The following KIF13A variants were observed in gnomAD, a reference collection of about 807,000 sequenced individuals.
KIF13A encodes kinesin-like protein KIF13A.
KIF13A carries 79 observed loss-of-function variants against 212.2 expected under a neutral mutation model. The observed-to-expected ratio is 0.37, with a 90% CI of 0.31 to 0.45. The LOEUF is 0.45. Ranked by LOEUF, KIF13A falls within the 20% of genes least tolerant of loss-of-function variation. The probability of loss-of-function intolerance (pLI) is 1.00; values close to 1 mark genes in which losing one functional copy is unlikely to be tolerated. For synonymous variants in KIF13A, 789 were observed against 808.6 expected (o/e 0.98, Z 0.41); for missense variants, 1,901 against 2,209.0 (o/e 0.86, Z 2.79).
intron 32 of KIF13A, among the ~76,000 whole-genome samples, chr6:17,779,320 G>A (rs1420329171): frequency 1.4e-5 from 2 of 140,626 alleles, no homozygotes; most frequent in African/African-American, 5.2e-5. Flanking sequence ...TGCCCAGGCT[G>A]GAGTGCAATG....
At chr6:17,846,973 C>T (rs1767127677) in intron 9 of KIF13A, among the ~76,000 whole-genome samples, 1 of 152,230 alleles carries the variant, frequency 6.6e-6, no homozygotes, top group Non-Finnish European at 1.5e-5. Context: ...TAAACTTGCT[C>T]TGTCTTGGTT....
intron 14 of KIF13A, among the ~76,000 whole-genome samples, chr6:17,827,711 G>A (rs1411459216): frequency 1.3e-5 from 2 of 151,644 alleles, no homozygotes; most frequent in East Asian, 2.0e-4. Flanking sequence ...CTGTAGCAAC[G>A]GTGTCTCACT....
chr6:17,808,873 A>G lies in KIF13A; in HGVS notation c.2058T>C (p.Asn686=), dbSNP rs140371190. The G allele has an allele frequency of 8.3e-4, 1,345 of 1,613,684 alleles. 7 individuals are homozygous for G. The East Asian group carries it at 0.011, about 13-fold the overall frequency. ...GGAAGTTTGCTTCCCTCACCAAGGTATTAGCTTTAACCAGCTGCTCTCGCA... is the reference window on the plus strand; with the variant it reads ...GGAAGTTTGCTTCCCTCACCAAGGTGTTAGCTTTAACCAGCTGCTCTCGCA... ...AKLREQLVKA[N]TLVREANFLA... Residue 686 remains asparagine (N), a synonymous_variant, in exon 18 of 39, where the codon AAT becomes AAC. Transcript: ENST00000259711.
Position 17,897,224 on chromosome 6 carries a change from A to G in KIF13A, c.159+944T>C, listed in dbSNP as rs1455086617. ...AGAGCTAAGATGGATTGTTCTTCAT[A>G]ACCCCAGGGGAAAGTAAGCTTTGTC... On this transcript the variant is annotated intron_variant, in intron 3 of 38. Transcript: ENST00000259711. This position sits in a 1 kb window ranked among gnomAD's most constrained non-coding sequence, Gnocchi z 4.8. Among the ~76,000 whole-genome samples, 3 of 152,174 alleles carry G rather than the reference A, an allele frequency of 2.0e-5. No individual in the cohort carries two copies. Among genetic ancestry groups the G allele is most frequent in the Non-Finnish European group, 2.9e-5 (2 of 68,036 alleles).
At chr6:17,780,070 T>C (rs1262259591) in intron 31 of KIF13A, among the ~76,000 whole-genome samples, 1 of 152,248 alleles carries the variant, frequency 6.6e-6, no homozygotes, top group Non-Finnish European at 1.5e-5. Flanking sequence ...TTACAAATTG[T>C]AGAAGCATTA....
chr6:17,801,927 C>T (rs1052591740), intron 20 of KIF13A, among the ~76,000 whole-genome samples: 3 of 152,116 alleles, frequency 2.0e-5, no homozygotes, highest in Admixed American at 6.5e-5. Context: ...CCAGTTTAAC[C>T]GTGTTTTTCT....
intron 2 of KIF13A, among the ~76,000 whole-genome samples, chr6:17,942,887 G>A (rs1186469693): frequency 6.6e-6 from 1 of 152,118 alleles, no homozygotes; most frequent in Non-Finnish European, 1.5e-5. Context: ...GCTGAGGAAG[G>A]AGAACTGCTT....
intron 38 of KIF13A, among the ~76,000 whole-genome samples, chr6:17,766,375 G>A (rs1484710233): frequency 6.6e-6 from 1 of 151,788 alleles, no homozygotes; most frequent in Non-Finnish European, 1.5e-5. Flanking sequence ...GAGTAGCTGG[G>A]ATTACAGGCA....
intron 2 of KIF13A, among the ~76,000 whole-genome samples, chr6:17,976,213 G>C (rs1780445434): frequency 6.6e-6 from 1 of 152,236 alleles, no homozygotes; most frequent in Non-Finnish European, 1.5e-5. Flanking sequence ...GGTGGTCGAT[G>C]GGACTGGGCG....
chr6:17,948,607 GGCTGGACTGCAGCA>G (rs933484356), intron 2 of KIF13A, among the ~76,000 whole-genome samples: 1 of 122,648 alleles, frequency 8.2e-6, no homozygotes, highest in Non-Finnish European at 1.6e-5. Flanking sequence ...CTGTCGTCCA[GGCTGGACTGCAGCA>G]GCGTGATCTC....
chr6:17,869,193 C>T (rs1769772505), intron 4 of KIF13A, among the ~76,000 whole-genome samples: 1 of 151,900 alleles, frequency 6.6e-6, no homozygotes, highest in Non-Finnish European at 1.5e-5. Context: ...GAGATCATTC[C>T]AGGCTGTATC....
chr6:17,863,295 G>C (rs1411242323), intron 4 of KIF13A, among the ~76,000 whole-genome samples: 1 of 151,922 alleles, frequency 6.6e-6, no homozygotes, highest in East Asian at 1.9e-4. Context: ...GCATGGACAT[G>C]ATGAGATGAA....
intron 38 of KIF13A, among the ~76,000 whole-genome samples, chr6:17,766,865 C>T (rs965179988): frequency 6.6e-6 from 1 of 151,950 alleles, no homozygotes; most frequent in African/African-American, 2.4e-5. Context: ...TTCTATATAC[C>T]TCAAAAAAAG....
rs1202329105 is a variant in KIF13A, at chr6:17,888,386, G to C, written c.159+9782C>G. On this transcript the variant is annotated intron_variant, in intron 3 of 38. Transcript: ENST00000259711. This position sits in a 1 kb window ranked among gnomAD's most constrained non-coding sequence, Gnocchi z 4.8. ...AGATCAAGGTAGGTCTGCTGCATTT[G>C]ACTGGGTAATGAAACAAGCAAAAGC... Among the ~76,000 whole-genome samples, 1 of 152,152 alleles carries C rather than the reference G, an allele frequency of 6.6e-6. No homozygotes were observed. Among genetic ancestry groups the C allele is most frequent in the Non-Finnish European group, 1.5e-5 (1 of 68,016 alleles).
Position 17,779,677 on chromosome 6 carries a change from G to A in KIF13A, c.3854C>T (p.Thr1285Met), listed in dbSNP as rs751899598. The part of the protein sequence containing the change: ...AANIYNKQSF[T>M]QSLKRRISLK... ...GGATATTCTCCTCTTCAAACTCTGC[G>A]TGAAACTCTAGTAGAAAAAAAAAAA... is the stretch of plus-strand genomic sequence containing the variant. The change falls in exon 32 of 39, where the codon ACG becomes ATG. Residue 1285 changes from threonine (T) to methionine (M), a missense_variant. By Grantham distance (81) the Thr-to-Met change is moderately conservative (BLOSUM62 -1). Transcript: ENST00000259711. 4 of 1,388,350 alleles carry A rather than the reference G, an allele frequency of 2.9e-6. No individual in the cohort carries two copies. The highest frequency in any genetic ancestry group is 1.9e-4 in the Middle Eastern group (1 of 5,226). The allele number at this position is 1,388,350 out of a possible 1,614,324, so 86.0% of individuals were successfully genotyped here.
At chr6:17,848,558 C>CTTTTTTTTTTTTTTTT (rs66477046) in intron 9 of KIF13A, among the ~76,000 whole-genome samples, 2 of 68,856 alleles carry the variant, frequency 2.9e-5, no homozygotes, top group African/African-American at 1.1e-4. Flanking sequence ...ACTCGTACAT[C>CTTTTTTTTTTTTTTTT]TTTTTTTTTT....
At chr6:17,906,098 T>C (rs2067849) in intron 2 of KIF13A, among the ~76,000 whole-genome samples, 113,514 of 151,964 alleles carry the variant, frequency 0.75, 42,771 homozygotes, top group South Asian at 0.84. Flanking sequence ...AGTTCCAAGA[T>C]AAAGCCTGGT....
intron 6 of KIF13A, among the ~76,000 whole-genome samples, chr6:17,852,468 A>G (rs1264265023): frequency 6.6e-6 from 1 of 152,188 alleles, no homozygotes; most frequent in Non-Finnish European, 1.5e-5. Flanking sequence ...CGCCCAGGCT[A>G]GAGTGCAGTA....
intron 2 of KIF13A, among the ~76,000 whole-genome samples, chr6:17,969,695 T>C (rs1779637043): frequency 6.6e-6 from 1 of 152,194 alleles, no homozygotes; most frequent in Non-Finnish European, 1.5e-5. Context: ...ATATTTTTAC[T>C]TGCATATCTG....
Sources: gnomAD v4.1 joint callset for allele counts (sites outside exome capture counted in the v4.1 genomes callset) on GRCh38, gnomAD v4.1.1 for gene constraint, Gnocchi (gnomAD v3.1) non-coding constraint, MANE v1.5 for transcripts, NCBI Gene and HGNC (gene_info 2026-07-23, HGNC 2026-07-21) for gene names.